Variants in PRCP observed in about 807,000 individuals in gnomAD.
PRCP encodes the protein lysosomal Pro-X carboxypeptidase.
A neutral mutation model predicts 54.2 loss-of-function variants in PRCP; 46 were observed. That is an observed-to-expected ratio of 0.85 (90% CI 0.67 to 1.09). PRCP has a LOEUF of 1.09. PRCP is among the 50% of genes least tolerant of loss of function. The pLI is 0.00. For missense variants in PRCP, 613 were observed against 596.8 expected, an observed-to-expected ratio of 1.03 and a Z score of -0.28; for synonymous variants, 240 against 212.2, an observed-to-expected ratio of 1.13 and a Z score of -1.14.
At chr11:82,838,776 T>A (rs1056116900) in intron 7 of PRCP, among the ~76,000 whole-genome samples, 1 of 152,212 alleles carries the variant, frequency 6.6e-6, no homozygotes, top group Non-Finnish European at 1.5e-5. Flanking sequence ...GTCACGGAAG[T>A]CAGGATTATG....
intron 8 of PRCP, among the ~76,000 whole-genome samples, chr11:82,834,575 A>C (rs1858470703): frequency 6.6e-6 from 1 of 152,246 alleles, no homozygotes; most frequent in Non-Finnish European, 1.5e-5. Flanking sequence ...AGCCATAAAA[A>C]GGAATGAGAT....
chr11:82,852,399 T>C (rs867961736), intron 3 of PRCP, among the ~76,000 whole-genome samples: 20 of 152,160 alleles, frequency 1.3e-4, no homozygotes, highest in Admixed American at 1.0e-3. Context: ...CCCAAAAGCA[T>C]ATGTATACAC....
intron 3 of PRCP, among the ~76,000 whole-genome samples, chr11:82,852,248 T>A (rs541083432): frequency 6.6e-6 from 1 of 152,302 alleles, no homozygotes; most frequent in South Asian, 2.1e-4. Flanking sequence ...TTTATATTTA[T>A]AACACAACAT....
chr11:82,882,098 C>T (rs1358227289), intron 1 of PRCP, among the ~76,000 whole-genome samples: 6 of 152,018 alleles, frequency 3.9e-5, no homozygotes, highest in Non-Finnish European at 8.8e-5. Context: ...TCTTTATCCT[C>T]ATCTTCACTT....
chr11:82,860,230 A>G, intron 1 of PRCP, 113 bp from the exon 2 acceptor site: 2 of 687,646 alleles, frequency 2.9e-6, no homozygotes, highest in Non-Finnish European at 4.1e-6. Context: ...AATAATCACA[A>G]GAAATTTTAA....
intron 2 of PRCP, among the ~76,000 whole-genome samples, chr11:82,854,126 T>C (rs1859022990): frequency 6.6e-6 from 1 of 152,128 alleles, no homozygotes; most frequent in Non-Finnish European, 1.5e-5. Flanking sequence ...AGCACTCTTA[T>C]CCAACACGGC....
intron 2 of PRCP, among the ~76,000 whole-genome samples, 169 bp from the exon 3 acceptor site, chr11:82,853,447 T>C (rs949178741): frequency 6.6e-6 from 1 of 152,234 alleles, no homozygotes; most frequent in Non-Finnish European, 1.5e-5. Context: ...TGATGTCTTA[T>C]TGTTGCATAT....
upstream of PRCP, chr11:82,900,761 C>CA: frequency 2.1e-6 from 1 of 486,518 alleles, no homozygotes; most frequent in Non-Finnish European, 4.0e-6. Context: ...ACCTGTCCTT[C>CA]AGGTCACCCA....
chr11:82,837,401 T>C (rs1591039220), intron 8 of PRCP, among the ~76,000 whole-genome samples: 1 of 152,232 alleles, frequency 6.6e-6, no homozygotes, highest in Non-Finnish European at 1.5e-5. Flanking sequence ...GCTGGTGATA[T>C]ATCCATTGCC....
intron 8 of PRCP, among the ~76,000 whole-genome samples, chr11:82,833,288 A>G (rs968937093): frequency 6.6e-6 from 1 of 152,228 alleles, no homozygotes; most frequent in Non-Finnish European, 1.5e-5. Context: ...AGGTGCTAGT[A>G]GAAGTAAGGG....
chr11:82,871,628 C>T (rs1183490465), intron 1 of PRCP, among the ~76,000 whole-genome samples: 1 of 152,136 alleles, frequency 6.6e-6, no homozygotes. Context: ...GCAAAAACCA[C>T]GTTTCTCACG....
At chr11:82,871,922 C>T (rs1230019479) in intron 1 of PRCP, among the ~76,000 whole-genome samples, 1 of 152,176 alleles carries the variant, frequency 6.6e-6, no homozygotes, top group East Asian at 1.9e-4. Flanking sequence ...GAATAAATAA[C>T]CGATGAGTGT....
rs149539315 is a variant in PRCP, at chr11:82,896,159, C to G, written c.168+4076G>C. On this transcript the variant is annotated intron_variant, in intron 1 of 8. Transcript: ENST00000313010. ...TTAAACTCCTACCATGTTTTATGCA[C>G]CATCCATGTGGCTTTCATTTGTTAC... Among the ~76,000 whole-genome samples, 3 of 152,288 alleles carry G rather than the reference C, an allele frequency of 2.0e-5. No homozygotes were observed. In the East Asian group the frequency reaches 5.8e-4, roughly 29 times the overall value.
At chr11:82,895,045 T>A (rs1000803260) in intron 1 of PRCP, among the ~76,000 whole-genome samples, 2 of 152,204 alleles carry the variant, frequency 1.3e-5, no homozygotes, top group African/African-American at 4.8e-5. Context: ...CTATTGATTT[T>A]AAAAAAGTGA....
At chr11:82,846,363 G>A (rs1444401863) in intron 6 of PRCP, among the ~76,000 whole-genome samples, 1 of 151,964 alleles carries the variant, frequency 6.6e-6, no homozygotes, top group Non-Finnish European at 1.5e-5. Flanking sequence ...AGACGTAGTG[G>A]AAAAATTCTG....
intron 1 of PRCP, among the ~76,000 whole-genome samples, chr11:82,861,297 C>A (rs1012817478): frequency 3.3e-5 from 5 of 152,076 alleles, no homozygotes; most frequent in Admixed American, 1.3e-4. Flanking sequence ...GAAGGAATGA[C>A]AGAATTAGAA....
At chr11:82,885,802 C>A (rs1203772807) in intron 1 of PRCP, among the ~76,000 whole-genome samples, 3 of 152,140 alleles carry the variant, frequency 2.0e-5, no homozygotes, top group Non-Finnish European at 4.4e-5. Context: ...ATAACTTATT[C>A]CAAGCCAAAT....
chr11:82,835,852 C>T, intron 8 of PRCP: 2 of 495,868 alleles, frequency 4.0e-6, no homozygotes, highest in Non-Finnish European at 4.0e-6. Flanking sequence ...TTATGCTTGG[C>T]AATAAAAAGA....
chr11:82,854,354 C>T (rs1256150491), intron 2 of PRCP, among the ~76,000 whole-genome samples: 6 of 152,144 alleles, frequency 3.9e-5, no homozygotes, highest in Non-Finnish European at 5.9e-5. Flanking sequence ...TGTCTATATA[C>T]CAATAACAAT....
Sources: gnomAD v4.1 joint callset for allele counts (sites outside exome capture counted in the v4.1 genomes callset) on GRCh38, gnomAD v4.1.1 for gene constraint, MANE v1.5 for transcripts, NCBI Gene and HGNC (gene_info 2026-07-23, HGNC 2026-07-21) for gene names.